The following ZMYM2 variants were observed in gnomAD, a reference collection of about 807,000 sequenced individuals.
The protein encoded by ZMYM2 is zinc finger MYM-type containing 2.
ZMYM2 carries 56 observed loss-of-function variants against 162.8 expected under a neutral mutation model. The observed-to-expected ratio is 0.34, with a 90% CI of 0.28 to 0.43. The LOEUF is 0.43. Ranked by LOEUF, ZMYM2 falls within the 20% of genes least tolerant of loss-of-function variation. The pLI is 1.00. For synonymous variants in ZMYM2, 510 were observed against 541.6 expected, an observed-to-expected ratio of 0.94 and a Z score of 0.81; for missense variants, 1,275 against 1,621.8, an observed-to-expected ratio of 0.79 and a Z score of 3.67.
chr13:19,902,620 A>AC, the ZMYM2 span, among the ~76,000 whole-genome samples: 1 of 152,168 alleles, frequency 6.6e-6, no homozygotes, highest in African/African-American at 2.4e-5. Flanking sequence ...CTGTCTCAAA[A>AC]AAACAAACAA....
In ZMYM2 at chr13:20,088,052, C is replaced by T. The variant is rs903565276; in HGVS notation, c.*2038C>T. ...ACCATGAATTTCTGCCATAGTACTA[C>T]TATCAAGCACCTTGTCTTGCTATTT... On this transcript the variant is annotated 3_prime_UTR_variant, in exon 25 of 25. Coordinates refer to ENST00000610343, the MANE Select transcript of ZMYM2 (RefSeq NM_197968.4). The T allele has an allele frequency of 5.1e-6, 1 of 197,274 alleles. No individual in the cohort carries two copies. Among genetic ancestry groups the T allele is most frequent in the Non-Finnish European group, 1.1e-5 (1 of 95,032 alleles). The allele number at this position is 197,274 out of a possible 1,614,324, so 12.2% of individuals were successfully genotyped here. A position where few individuals can be genotyped will look rare whatever the true frequency, so the allele number is the denominator to read the frequency against.
chr13:20,046,149 G>C (rs1357549011), intron 12 of ZMYM2, among the ~76,000 whole-genome samples: 1 of 151,920 alleles, frequency 6.6e-6, no homozygotes, highest in African/African-American at 2.4e-5. Flanking sequence ...ATACTCAGCA[G>C]GCTGAGGCAA....
chr13:20,056,741 G>C (rs915802827), intron 14 of ZMYM2, among the ~76,000 whole-genome samples: 1 of 152,142 alleles, frequency 6.6e-6, no homozygotes, highest in African/African-American at 2.4e-5. Context: ...AGCATAGAAG[G>C]CTTTGGCAAC....
At chr13:19,934,151 C>T in the ZMYM2 span, among the ~76,000 whole-genome samples, 55 of 150,904 alleles carry the variant, frequency 3.6e-4, 1 homozygote, top group Non-Finnish European at 6.2e-4. Context: ...AATTCATACT[C>T]GTATTTTGTT....
the ZMYM2 span, among the ~76,000 whole-genome samples, chr13:19,921,301 G>A: frequency 9.4e-4 from 143 of 151,938 alleles, no homozygotes; most frequent in Non-Finnish European, 1.7e-3. Flanking sequence ...CACCACACCC[G>A]GCTAATTTTT....
chr13:19,910,632 C>G, the ZMYM2 span, among the ~76,000 whole-genome samples: 3 of 151,520 alleles, frequency 2.0e-5, no homozygotes, highest in Non-Finnish European at 4.4e-5. Context: ...CGTGAACCAC[C>G]GTGCCCAGCC....
chr13:20,059,333 A>AG, intron 15 of ZMYM2, 114 bp from the exon 16 acceptor site: 3 of 1,220,624 alleles, frequency 2.5e-6, no homozygotes, highest in Non-Finnish European at 3.3e-6. Context: ...TGGGAATTAA[A>AG]AAAAAAAAGG....
intron 2 of ZMYM2, among the ~76,000 whole-genome samples, chr13:19,980,356 T>C (rs958697664): frequency 6.6e-6 from 1 of 152,200 alleles, no homozygotes; most frequent in African/African-American, 2.4e-5. Context: ...CAGACTTTTT[T>C]TGTCTGTTTG....
At chr13:19,997,101 T>C (rs1409994192) in intron 3 of ZMYM2, among the ~76,000 whole-genome samples, 1 of 152,188 alleles carries the variant, frequency 6.6e-6, no homozygotes, top group African/African-American at 2.4e-5. Context: ...TCTTTTAGTC[T>C]TTTTTTGTAT....
chr13:20,037,030 T>C, intron 12 of ZMYM2, 121 bp downstream of exon 12: 1 of 819,404 alleles, frequency 1.2e-6, no homozygotes, highest in Non-Finnish European at 1.7e-6. Flanking sequence ...GGCCCAGCCC[T>C]GATAATACTA....
At chr13:19,954,514 G>A (rs971398506), upstream of ZMYM2, among the ~76,000 whole-genome samples, 1 of 152,044 alleles carries the variant, frequency 6.6e-6, no homozygotes, top group African/African-American at 2.4e-5. Flanking sequence ...TTAATAGCAT[G>A]GATTCTGGAG....
In ZMYM2 at chr13:20,067,274, C is replaced by T; in HGVS notation, c.3337C>T (p.His1113Tyr). ...AAAGTTAAAAGAGGATCTACTCTCT[C>T]ACACCACAGCTGAGCTTAACTATGG... ...SVKLKEDLLS[H>Y]TTAELNYGLA... is the part of the protein sequence containing the mutation. The change falls in exon 21 of 25, where the codon CAC becomes TAC. Residue 1113 changes from histidine to tyrosine, a missense_variant. Coordinates refer to ENST00000610343, the MANE Select transcript of ZMYM2 (RefSeq NM_197968.4). 6.3e-7 allele frequency: 1 copy of T among 1,580,492 alleles called. No individual in the cohort carries two copies. Among genetic ancestry groups the T allele is most frequent in the Non-Finnish European group, 8.6e-7 (1 of 1,162,036 alleles).
intron 6 of ZMYM2, among the ~76,000 whole-genome samples, chr13:20,007,802 C>G (rs1193185126): frequency 6.6e-6 from 1 of 150,960 alleles, no homozygotes; most frequent in African/African-American, 2.4e-5. Flanking sequence ...TGTGTTTTTA[C>G]TAGAGATGGG....
intron 7 of ZMYM2, among the ~76,000 whole-genome samples, chr13:20,023,940 C>CTT (rs536997476): frequency 1.9e-4 from 28 of 143,602 alleles, no homozygotes; most frequent in African/African-American, 5.6e-4. Flanking sequence ...TTTTCTTCTT[C>CTT]TTTTTTTTTT....
the ZMYM2 span, among the ~76,000 whole-genome samples, chr13:19,899,418 T>C: frequency 6.6e-6 from 1 of 151,712 alleles, no homozygotes; most frequent in Non-Finnish European, 1.5e-5. Flanking sequence ...ATAATTAAAC[T>C]TTACACATTA....
At chr13:19,925,334 G>A in the ZMYM2 span, among the ~76,000 whole-genome samples, 5 of 152,002 alleles carry the variant, frequency 3.3e-5, no homozygotes, top group Non-Finnish European at 5.9e-5. Context: ...TTCTTTATCT[G>A]GGGTAGGTCT....
chr13:20,034,503 T>G lies in ZMYM2; in HGVS notation c.2119+99T>G, dbSNP rs534530241. On this transcript the variant is annotated intron_variant, in intron 11 of 24. Transcript: ENST00000610343. ...AGTGGCTGCACAATTTTAATGTAGC[T>G]GAACAAAAAAAATTGAGTTTACGTT... 23 of 1,191,766 alleles carry G rather than the reference T, an allele frequency of 1.9e-5. No individual in the cohort carries two copies. The South Asian group carries it at 6.4e-4, about 33-fold the overall frequency. 73.8% of individuals were successfully genotyped at this position (1,191,766 alleles called of 1,614,324 possible).
intron 7 of ZMYM2, chr13:20,025,183 C>T: frequency 4.9e-6 from 1 of 204,208 alleles, no homozygotes; most frequent in Non-Finnish European, 1.0e-5. Context: ...TTATGCTATC[C>T]ATGGAACATT....
chr13:19,944,397 C>T, the ZMYM2 span, among the ~76,000 whole-genome samples: 3 of 151,868 alleles, frequency 2.0e-5, no homozygotes, highest in Non-Finnish European at 4.4e-5. Context: ...AATTATAGTT[C>T]AATTGAATAT....
Sources: allele counts gnomAD v4.1 joint callset (sites outside exome capture counted in the v4.1 genomes callset), GRCh38; gene constraint gnomAD v4.1.1; transcripts MANE v1.5; gene names NCBI Gene and HGNC (gene_info 2026-07-23, HGNC 2026-07-21).